SAMD3: variants seen among roughly 807,000 people sequenced by gnomAD.
SAMD3 encodes the protein sterile alpha motif domain containing 3, also known as sterile alpha motif domain-containing protein 3.
A neutral mutation model predicts 58.5 loss-of-function variants in SAMD3; 63 were observed. The ratio of observed to expected loss-of-function variants is 1.08; its 90% CI spans 0.88 to 1.33. The LOEUF (loss-of-function observed/expected upper bound fraction) is 1.33, where lower values mean the gene tolerates loss of function less well. Ranked by LOEUF, SAMD3 falls within the 40% of genes most tolerant of loss-of-function variation. SAMD3 has a pLI of 0.00. For synonymous variants in SAMD3, 220 were observed against 210.3 expected, an observed-to-expected ratio of 1.05 and a Z score of -0.40; for missense variants, 604 against 608.4, an observed-to-expected ratio of 0.99 and a Z score of 0.08.
At chr6:130,229,382 C>T (rs547933460) in intron 2 of SAMD3, among the ~76,000 whole-genome samples, 11 of 152,294 alleles carry the variant, frequency 7.2e-5, no homozygotes, top group South Asian at 6.2e-4. Context: ...GTAAGAGTGG[C>T]GGATCCCCAG....
chr6:130,280,719 T>G (rs1774951705), intron 2 of SAMD3, among the ~76,000 whole-genome samples: 2 of 152,230 alleles, frequency 1.3e-5, no homozygotes, highest in East Asian at 3.8e-4. Context: ...ATTGCAGTCG[T>G]AAACTCCTTG....
intron 9 of SAMD3, among the ~76,000 whole-genome samples, chr6:130,152,774 G>A (rs925798654): frequency 2.0e-5 from 3 of 152,160 alleles, no homozygotes; most frequent in African/African-American, 7.2e-5. Context: ...TGGATATAAA[G>A]GGTGAAATAC....
chr6:130,184,305 T>A, intron 6 of SAMD3, 118 bp from the exon 7 acceptor site: 1 of 1,172,718 alleles, frequency 8.5e-7, no homozygotes, highest in Non-Finnish European at 1.2e-6. Flanking sequence ...AAAAGAGATT[T>A]AAATATTGGG....
At chr6:130,180,736 G>A (rs1191139046) in intron 7 of SAMD3, among the ~76,000 whole-genome samples, 1 of 152,082 alleles carries the variant, frequency 6.6e-6, no homozygotes, top group Non-Finnish European at 1.5e-5. Flanking sequence ...TGGGTGGACA[G>A]AGTGCTACTC....
intron 1 of SAMD3, among the ~76,000 whole-genome samples, chr6:130,216,959 A>G (rs1796036616): frequency 6.6e-6 from 1 of 152,222 alleles, no homozygotes; most frequent in South Asian, 2.1e-4. Flanking sequence ...ATAAAAAGGT[A>G]AGCAGAGCAG....
intron 2 of SAMD3, among the ~76,000 whole-genome samples, chr6:130,258,527 TAA>T (rs1371105352): frequency 2.0e-5 from 3 of 152,206 alleles, no homozygotes; most frequent in Non-Finnish European, 4.4e-5. Context: ...CACACATATT[TAA>T]AGTGCACAAT....
chr6:130,154,709 AAAAAAAAAAATAT>A (rs1486410452), intron 9 of SAMD3, 103 bp downstream of exon 9: 103 of 144,756 alleles, frequency 7.1e-4, no homozygotes, highest in African/African-American at 3.1e-3. Context: ...AAAAAAAAAA[AAAAAAAAAAATAT>A]ATATATATAT....
rs761118509 is a variant in SAMD3 at position 130,146,104 on chromosome 6, TTC to T, written c.1099_1100del (p.Glu367LysfsTer27). 6.2e-6 allele frequency: 10 copies of T among 1,602,574 alleles called. No individual in the cohort carries two copies. In the East Asian group the frequency reaches 2.3e-4, roughly 36 times the overall value. ...CCACTGAAAAAGAAGTCAGTATATT[TTC>T]TGAATAGGATTCCAAAATGTGCCTT... ...KTRHILESYSENILTSFSVVD... is the reference protein window; with the variant it reads ...KTRHILESYSXNILTSFSVVD... On this transcript the variant is annotated frameshift_variant, in exon 10 of 12. Transcript: ENST00000439090. LOFTEE classifies it high-confidence loss of function.
At chr6:130,153,394 T>C (rs899720058) in intron 9 of SAMD3, among the ~76,000 whole-genome samples, 2 of 152,140 alleles carry the variant, frequency 1.3e-5, no homozygotes. Flanking sequence ...TTGCTACTTA[T>C]GTTTCTATTA....
At chr6:130,323,024 G>T (rs1402724646) in intron 1 of SAMD3, among the ~76,000 whole-genome samples, 1 of 152,142 alleles carries the variant, frequency 6.6e-6, no homozygotes, top group Admixed American at 6.5e-5. Flanking sequence ...TCATGCAAAG[G>T]CCATTGACAT....
intron 1 of SAMD3, among the ~76,000 whole-genome samples, chr6:130,350,712 G>A (rs1183338096): frequency 6.6e-6 from 1 of 151,998 alleles, no homozygotes; most frequent in Non-Finnish European, 1.5e-5. Flanking sequence ...CACAGAATTG[G>A]AAAAACTACT....
chr6:130,365,176 A>G lies in SAMD3; in HGVS notation c.-360T>C, dbSNP rs1447334743. ...GTCTTTGCCGAATTAGAGACGACAT[A>G]TTTTACTCTGTGAACAGGCCAGTCT... On this transcript the variant is annotated 5_prime_UTR_variant, in exon 1 of 14. Coordinates refer to the SAMD3 transcript ENST00000368134. 6.1e-6 allele frequency: 6 copies of G among 985,088 alleles called. No homozygotes were observed. The East Asian group carries it at 4.5e-4, about 75-fold the overall frequency. 61.0% of individuals were successfully genotyped at this position (985,088 alleles called of 1,614,324 possible).
intron 9 of SAMD3, among the ~76,000 whole-genome samples, chr6:130,147,399 C>G (rs1029690717): frequency 6.6e-6 from 1 of 152,168 alleles, no homozygotes; most frequent in African/African-American, 2.4e-5. Flanking sequence ...CGTTAGAAAA[C>G]CGTTTTCTCA....
rs9492503 is a variant in SAMD3 at position 130,247,281 on chromosome 6, C to A, written c.-187-24468G>T. ...GGTCAGGAGCTCAAGACCAGCCTGA[C>A]CAACATGGTGAAACCCCATCTCTAT... On this transcript the variant is annotated intron_variant, in intron 2 of 13. Coordinates refer to the SAMD3 transcript ENST00000368134. Among the ~76,000 whole-genome samples the A allele has an allele frequency of 9.1e-3, 1,392 of 152,184 alleles. 19 individuals are homozygous for A. The highest frequency in any genetic ancestry group is 0.031 in the African/African-American group (1,304 of 41,518).
chr6:130,313,572 C>G (rs1776260222), intron 1 of SAMD3, among the ~76,000 whole-genome samples: 1 of 152,200 alleles, frequency 6.6e-6, no homozygotes, highest in Non-Finnish European at 1.5e-5. Flanking sequence ...TTGGTAGACT[C>G]TATTAAATTC....
intron 3 of SAMD3, among the ~76,000 whole-genome samples, chr6:130,214,896 T>C (rs144656150): frequency 0.025 from 3,834 of 152,282 alleles, 69 homozygotes; most frequent in Middle Eastern, 0.041. Flanking sequence ...ACAAAATACA[T>C]ACTGTATTAC....
chr6:130,143,872 A>C (rs899454652), downstream of SAMD3: 3 of 152,656 alleles, frequency 2.0e-5, no homozygotes, highest in South Asian at 6.2e-4. Context: ...CCAGTTGGGC[A>C]TGCAGGATGA....
At chr6:130,188,932 A>G (rs1413753578) in intron 5 of SAMD3, among the ~76,000 whole-genome samples, 1 of 152,094 alleles carries the variant, frequency 6.6e-6, no homozygotes, top group Non-Finnish European at 1.5e-5. Context: ...TTTCTTCCTC[A>G]GAGAACTCAT....
chr6:130,206,036 C>T (rs912664014), intron 5 of SAMD3, among the ~76,000 whole-genome samples: 2 of 152,280 alleles, frequency 1.3e-5, no homozygotes, highest in Non-Finnish European at 2.9e-5. Context: ...TGAGATAGGA[C>T]ATTGGAGGGG....
Sources: allele counts gnomAD v4.1 joint callset (sites outside exome capture counted in the v4.1 genomes callset), GRCh38; gene constraint gnomAD v4.1.1; transcripts MANE v1.5; gene names NCBI Gene and HGNC (gene_info 2026-07-23, HGNC 2026-07-21).